XKR6: variants seen among roughly 807,000 people sequenced by gnomAD.
XKR6 encodes the protein XK-related protein 6.
Under a neutral mutation model 56.7 loss-of-function variants are expected in XKR6, and 22 were observed. That is an observed-to-expected ratio of 0.39 (90% confidence interval 0.28 to 0.55). The LOEUF (loss-of-function observed/expected upper bound fraction) is 0.55, where lower values mean the gene tolerates loss of function less well. Among genes scored for constraint, XKR6 ranks in the 20% least tolerant of loss-of-function variants. XKR6 has a pLI of 0.66. For missense variants in XKR6, 852 were observed against 889.0 expected (o/e 0.96, Z 0.53); for synonymous variants, 524 against 387.8 (o/e 1.35, Z -4.13).
intron 1 of XKR6, among the ~76,000 whole-genome samples, chr8:11,051,975 ATGG>A (rs1386014973): frequency 1.3e-5 from 2 of 152,214 alleles, no homozygotes; most frequent in Non-Finnish European, 2.9e-5. Flanking sequence ...TGCGTGTGCC[ATGG>A]TGGTTTGCTG....
In XKR6 at chr8:11,191,367, A is replaced by T. The variant is rs1488461692; in HGVS notation, c.764+9209T>A. Among the ~76,000 whole-genome samples the T allele has an allele frequency of 2.0e-5, 3 of 152,230 alleles. No homozygotes were observed. In the South Asian group the frequency reaches 6.2e-4, roughly 32 times the overall value. On this transcript the variant is annotated intron_variant, in intron 1 of 2. Coordinates refer to ENST00000416569, the MANE Select transcript of XKR6 (RefSeq NM_173683.4). ...AAAGAGACACTGATACTTTGCTAAC[A>T]TATGACCCCACAAGTTACCTACCGA... is the stretch of plus-strand genomic sequence containing the variant.
At chr8:11,139,581 C>G (rs1323287974) in intron 1 of XKR6, among the ~76,000 whole-genome samples, 1 of 152,102 alleles carries the variant, frequency 6.6e-6, no homozygotes, top group Non-Finnish European at 1.5e-5. Flanking sequence ...AACAGATGCT[C>G]CAGGGCTCCC....
In XKR6 at chr8:11,136,049, A is replaced by G. The variant is rs544447424; in HGVS notation, c.764+64527T>C. Among the ~76,000 whole-genome samples the G allele has an allele frequency of 4.7e-4, 72 of 152,306 alleles. 1 individual carries two copies. The highest frequency in any genetic ancestry group is 9.1e-4 in the Non-Finnish European group (62 of 68,024). ...TGAGATATTTCTTACAATAGATGGC[A>G]CCTTATAAATTATTGCCATTTTTTT... On this transcript the variant is annotated intron_variant, in intron 1 of 2. Coordinates refer to ENST00000416569, the MANE Select transcript of XKR6 (RefSeq NM_173683.4).
intron 1 of XKR6, among the ~76,000 whole-genome samples, chr8:11,070,698 C>G (rs2129166879): frequency 6.6e-6 from 1 of 152,280 alleles, no homozygotes; most frequent in Non-Finnish European, 1.5e-5. Context: ...TTATAAAACA[C>G]TTATACAGAT....
At chr8:10,952,746 C>T (rs908120291) in intron 1 of XKR6, among the ~76,000 whole-genome samples, 2 of 152,146 alleles carry the variant, frequency 1.3e-5, no homozygotes, top group East Asian at 1.9e-4. Flanking sequence ...ATCACGGGGG[C>T]GGATCCTTCA....
At chr8:10,967,749 C>A (rs1016988359) in intron 1 of XKR6, among the ~76,000 whole-genome samples, 34 of 152,220 alleles carry the variant, frequency 2.2e-4, no homozygotes, top group Non-Finnish European at 2.8e-4. Context: ...GGACCTACAG[C>A]GACGTGCTGG....
chr8:10,938,243 C>T lies in XKR6; in HGVS notation c.765-13413G>A, dbSNP rs559519051. Reference sequence around the variant, plus strand: ...TTGCGCTTCCCAGGTGAGACAATGCCTCGCCCTGCTTCGGCTCGCGCACGG... The same window carrying T: ...TTGCGCTTCCCAGGTGAGACAATGCTTCGCCCTGCTTCGGCTCGCGCACGG... On this transcript the variant is annotated intron_variant, in intron 1 of 2. Transcript: ENST00000416569. Among the ~76,000 whole-genome samples, 138 of 152,202 alleles carry T rather than the reference C, an allele frequency of 9.1e-4. 1 individual carries two copies. The highest frequency in any genetic ancestry group is 1.7e-3 in the Non-Finnish European group (117 of 68,034).
At chr8:11,178,714 A>G (rs1485368130) in intron 1 of XKR6, among the ~76,000 whole-genome samples, 1 of 149,166 alleles carries the variant, frequency 6.7e-6, no homozygotes, top group African/African-American at 2.5e-5. Context: ...GGATGGAGGA[A>G]AGATTGGATC....
At chr8:11,174,987 G>A (rs1318863791) in intron 1 of XKR6, 1 of 152,158 alleles carries the variant, frequency 6.6e-6, no homozygotes, top group Non-Finnish European at 1.5e-5. Context: ...AAATCACAGG[G>A]GAGAGGAAAC....
At chr8:11,075,078 G>C (rs544253677) in intron 1 of XKR6, among the ~76,000 whole-genome samples, 1 of 152,188 alleles carries the variant, frequency 6.6e-6, no homozygotes, top group South Asian at 2.1e-4. Flanking sequence ...TAGTACAGGT[G>C]GGGAGGGAAG....
chr8:11,104,917 C>G (rs553590985), intron 1 of XKR6: 23 of 152,224 alleles, frequency 1.5e-4, no homozygotes, highest in African/African-American at 5.5e-4. Context: ...GAAGTCTGTT[C>G]GAGAGATTTC....
At chr8:10,969,847 G>A (rs1007754521) in intron 1 of XKR6, among the ~76,000 whole-genome samples, 4 of 152,244 alleles carry the variant, frequency 2.6e-5, no homozygotes, top group East Asian at 1.9e-4. Context: ...CCTGCCTGGG[G>A]TGGTTTATTT....
At chr8:11,026,667 T>A (rs1798873108) in intron 1 of XKR6, among the ~76,000 whole-genome samples, 2 of 146,748 alleles carry the variant, frequency 1.4e-5, no homozygotes, top group Admixed American at 6.9e-5. Flanking sequence ...AAACTCTTAA[T>A]GGCGTTGCCT....
chr8:10,898,159 C>G lies in XKR6; in HGVS notation c.1719G>C (p.Pro573=). 1 of 1,614,022 alleles carries G rather than the reference C, an allele frequency of 6.2e-7. No individual in the cohort carries two copies. ...CTTCTGGGAGGTAAGGACGCCCCAACGGGGTAGGGGGCCCCATGGGTCTCA... is the reference window on the plus strand; with the variant it reads ...CTTCTGGGAGGTAAGGACGCCCCAAGGGGGTAGGGGGCCCCATGGGTCTCA... ...FQVRPMGPPT[P]LGRPYLPEGP... Residue 573 remains proline, a synonymous_variant, in exon 3 of 3, where the codon CCG becomes CCC. Transcript: ENST00000416569. The surrounding 1 kb of genome is among the most constrained non-coding windows in gnomAD (Gnocchi z 6.6).
chr8:11,122,620 C>T (rs908977733), intron 1 of XKR6, among the ~76,000 whole-genome samples: 3 of 152,174 alleles, frequency 2.0e-5, no homozygotes, highest in Non-Finnish European at 4.4e-5. Flanking sequence ...GATATCAGGC[C>T]AATTCTTTAG....
intron 1 of XKR6, among the ~76,000 whole-genome samples, chr8:10,976,287 G>A (rs1028857947): frequency 1.3e-5 from 2 of 152,100 alleles, no homozygotes; most frequent in Non-Finnish European, 2.9e-5. Context: ...TTGTAAACAA[G>A]CCCACCCAAG....
At chr8:10,931,033 C>T (rs1185323080) in intron 1 of XKR6, among the ~76,000 whole-genome samples, 1 of 152,076 alleles carries the variant, frequency 6.6e-6, no homozygotes, top group Non-Finnish European at 1.5e-5. Flanking sequence ...ATTGAAAATC[C>T]TAAGCAATCC....
In XKR6 at chr8:11,195,249, T is replaced by A. The variant is rs1485834896; in HGVS notation, c.764+5327A>T. 5.7e-6 allele frequency: 4 copies of A among 695,692 alleles called. 1 individual carries two copies. In the South Asian group the frequency reaches 6.1e-5, roughly 11 times the overall value. 43.1% of individuals were successfully genotyped at this position (695,692 alleles called of 1,614,324 possible). A position where few individuals can be genotyped will look rare whatever the true frequency, so the allele number is the denominator to read the frequency against. On this transcript the variant is annotated intron_variant, in intron 1 of 2. Coordinates refer to ENST00000416569, the MANE Select transcript of XKR6 (RefSeq NM_173683.4). ...GCAACATTATAAAAAATAATCACCC[T>A]AGTGTTTTTACAGTTTAACATTTTA...
chr8:11,038,464 C>G (rs1170586908), intron 1 of XKR6, among the ~76,000 whole-genome samples: 1 of 150,318 alleles, frequency 6.7e-6, no homozygotes, highest in African/African-American at 2.4e-5. Flanking sequence ...GAAGAGTACA[C>G]TTCATGGACT....
Sources: allele counts gnomAD v4.1 joint callset (sites outside exome capture counted in the v4.1 genomes callset), GRCh38; gene constraint gnomAD v4.1.1; non-coding constraint Gnocchi (gnomAD v3.1); transcripts MANE v1.5; gene names NCBI Gene and HGNC (gene_info 2026-07-23, HGNC 2026-07-21).